Variants in EGFR observed in about 807,000 individuals in gnomAD.
The protein encoded by EGFR is avian erythroblastic leukemia viral (v-erb-b) oncogene homolog.
A neutral mutation model predicts 143.0 loss-of-function variants in EGFR; 58 were observed. The ratio of observed to expected loss-of-function variants is 0.41; its 90% CI spans 0.33 to 0.50. The LOEUF is 0.50. Ranked by LOEUF, EGFR falls within the 20% of genes least tolerant of loss-of-function variation. The pLI, the probability that EGFR is intolerant of heterozygous loss-of-function variation, is 0.39. For synonymous variants in EGFR, 613 were observed against 594.4 expected (o/e 1.03, Z -0.45); for missense variants, 1,307 against 1,579.0 (o/e 0.83, Z 2.92).
At chr7:55,039,873 T>C (rs992178300) in intron 1 of EGFR, among the ~76,000 whole-genome samples, 5 of 152,232 alleles carry the variant, frequency 3.3e-5, no homozygotes, top group African/African-American at 1.2e-4. Flanking sequence ...GGGGTCCTCT[T>C]TGAGTTTCCT....
At chr7:55,026,771 A>C (rs537091914) in intron 1 of EGFR, among the ~76,000 whole-genome samples, 1 of 152,226 alleles carries the variant, frequency 6.6e-6, no homozygotes, top group South Asian at 2.1e-4. Context: ...CCCTAAAACC[A>C]ATATATACTC....
intron 4 of EGFR, among the ~76,000 whole-genome samples, chr7:55,146,953 T>C (rs1264399674): frequency 1.3e-5 from 2 of 152,088 alleles, no homozygotes; most frequent in African/African-American, 4.8e-5. Flanking sequence ...TGGTTGGCAG[T>C]GCAGGCCACC....
intron 22 of EGFR, 145 bp from the exon 23 acceptor site, chr7:55,198,572 C>A: frequency 8.2e-7 from 1 of 1,224,548 alleles, no homozygotes; most frequent in Non-Finnish European, 1.2e-6. Context: ...CTGAGGCTTC[C>A]AGCATTGAAG....
rs1194702075 is a variant in EGFR, at chr7:55,019,339, C to A, written c.62C>A (p.Ala21Glu). The change falls in exon 1 of 28, where the codon GCG becomes GAG. Residue 21 changes from alanine (A) to glutamate (E), a missense_variant. By Grantham distance (107) the Ala-to-Glu change is moderately radical (BLOSUM62 -1). Around this residue, in one of 7 missense-constraint regions of EGFR, gnomAD observed 65 missense variants for 37.8 expected, o/e 1.72. Transcript: ENST00000275493. ...GCGCTGCTGGCTGCGCTCTGCCCGG[C>A]GAGTCGGGCTCTGGAGGAAAAGAAA... ...LLALLAALCPASRALEEKKVC... is the reference protein window; with the variant it reads ...LLALLAALCPESRALEEKKVC... 1 of 1,517,116 alleles carries A rather than the reference C, an allele frequency of 6.6e-7. No individual in the cohort carries two copies. Among genetic ancestry groups the A allele is most frequent in the Non-Finnish European group, 8.9e-7 (1 of 1,127,870 alleles). 94.0% of individuals were successfully genotyped at this position (1,517,116 alleles called of 1,614,324 possible).
intron 22 of EGFR, among the ~76,000 whole-genome samples, chr7:55,194,255 C>A (rs1189764537): frequency 7.0e-6 from 1 of 142,276 alleles, no homozygotes. Flanking sequence ...GAGACAGAGT[C>A]TTGCCCTGTC....
chr7:55,135,015 A>C (rs1297778034), intron 1 of EGFR, among the ~76,000 whole-genome samples: 1 of 152,196 alleles, frequency 6.6e-6, no homozygotes, highest in Non-Finnish European at 1.5e-5. Context: ...ACACTGTAGA[A>C]GTTTGATGAT....
rs137941001 is a variant in EGFR at position 55,111,930 on chromosome 7, T to C, written c.89-30356T>C. ...TCTCGTTTAACCAGCAGTCACCACCTGACGGATGGCTGATGTGGGGTGGGG... is the reference window on the plus strand; with the variant it reads ...TCTCGTTTAACCAGCAGTCACCACCCGACGGATGGCTGATGTGGGGTGGGG... On this transcript the variant is annotated intron_variant, in intron 1 of 27. Transcript: ENST00000275493. Among the ~76,000 whole-genome samples, 47 of 152,340 alleles carry C rather than the reference T, an allele frequency of 3.1e-4. No individual in the cohort carries two copies. In the East Asian group the frequency reaches 7.9e-3, roughly 26 times the overall value.
At chr7:55,176,822 A>T (rs1786610277) in intron 19 of EGFR, among the ~76,000 whole-genome samples, 1 of 66,516 alleles carries the variant, frequency 1.5e-5, no homozygotes, top group Admixed American at 1.6e-4. Context: ...TATATGATAT[A>T]TATTTAGAGA....
chr7:55,073,342 C>A (rs1323486439), intron 1 of EGFR, among the ~76,000 whole-genome samples: 2 of 152,170 alleles, frequency 1.3e-5, no homozygotes, highest in Non-Finnish European at 2.9e-5. Flanking sequence ...GAGTGTAGGA[C>A]CTTCCCAGGG....
chr7:55,071,688 A>G (rs1417128682), intron 1 of EGFR, among the ~76,000 whole-genome samples: 1 of 152,274 alleles, frequency 6.6e-6, no homozygotes, highest in Non-Finnish European at 1.5e-5. Context: ...ACTCTAAAAA[A>G]AGATATTTTT....
At chr7:55,056,035 C>G (rs1233093600) in intron 1 of EGFR, among the ~76,000 whole-genome samples, 1 of 152,032 alleles carries the variant, frequency 6.6e-6, no homozygotes, top group Non-Finnish European at 1.5e-5. Context: ...GTGATTCATT[C>G]GTTCCACAAC....
At chr7:55,197,444 G>A (rs143114598) in intron 22 of EGFR, among the ~76,000 whole-genome samples, 7 of 152,300 alleles carry the variant, frequency 4.6e-5, no homozygotes, top group African/African-American at 1.7e-4. Context: ...ATAGGATCAT[G>A]TCATCTGCAA....
intron 1 of EGFR, among the ~76,000 whole-genome samples, chr7:55,041,817 T>C (rs1437218236): frequency 6.6e-6 from 1 of 152,234 alleles, no homozygotes; most frequent in East Asian, 1.9e-4. Flanking sequence ...TTCAGATAAT[T>C]CATCCTTAAA....
chr7:55,168,617 C>G (rs2128949563), intron 15 of EGFR: 1 of 1,589,648 alleles, frequency 6.3e-7, no homozygotes, highest in South Asian at 1.1e-5. Context: ...CAAATAAAGT[C>G]CTGACACTAT....
intron 10 of EGFR, 54 bp from the exon 11 acceptor site, chr7:55,157,609 C>A: frequency 6.7e-7 from 1 of 1,494,284 alleles, no homozygotes; most frequent in Non-Finnish European, 9.3e-7. Flanking sequence ...ATGTCTCATA[C>A]AAAAAAGAAA....
intron 1 of EGFR, among the ~76,000 whole-genome samples, chr7:55,020,760 G>A (rs1291188873): frequency 1.3e-5 from 2 of 152,036 alleles, no homozygotes; most frequent in African/African-American, 2.4e-5. Context: ...AGCCAGGCCC[G>A]TACTTGCTGT....
At chr7:55,142,497 C>T (rs1460885408) in intron 2 of EGFR, 60 bp downstream of exon 2, 1 of 1,595,714 alleles carries the variant, frequency 6.3e-7, no homozygotes, top group African/African-American at 1.3e-5. Flanking sequence ...TGGAGAAAGG[C>T]CTGGGCAGAA....
At chr7:55,032,742 CA>C (rs1787326532) in intron 1 of EGFR, among the ~76,000 whole-genome samples, 2 of 152,158 alleles carry the variant, frequency 1.3e-5, no homozygotes, top group African/African-American at 4.8e-5. Flanking sequence ...ATTCTCCTAA[CA>C]AATCAGTGTC....
chr7:55,074,935 T>G (rs1018117003), intron 1 of EGFR, among the ~76,000 whole-genome samples: 1 of 152,232 alleles, frequency 6.6e-6, no homozygotes, highest in Non-Finnish European at 1.5e-5. Context: ...TAGAAATCTT[T>G]GGCAAAGGTT....
Sources: gnomAD v4.1 joint callset for allele counts (sites outside exome capture counted in the v4.1 genomes callset) on GRCh38, gnomAD v4.1.1 for gene constraint, gnomAD v4.1.1 regional missense constraint, MANE v1.5 for transcripts, NCBI Gene and HGNC (gene_info 2026-07-23, HGNC 2026-07-21) for gene names.